The following ZNF578 variants were observed in gnomAD, a reference collection of about 807,000 sequenced individuals.
ZNF578 encodes the protein zinc finger protein 578, also known as Putative chemokine-related protein B42.
A neutral mutation model predicts 8.3 loss-of-function variants in ZNF578; 8 were observed. The ratio of observed to expected loss-of-function variants is 0.96; its 90% CI spans 0.56 to 1.74. The LOEUF is 1.74. Among genes scored for constraint, ZNF578 ranks in the 40% most tolerant of loss-of-function variants. The pLI, the probability that ZNF578 is intolerant of heterozygous loss-of-function variation, is 0.00. For synonymous variants in ZNF578, 206 were observed against 232.2 expected (o/e 0.89, Z 1.03); for missense variants, 726 against 707.5 (o/e 1.03, Z -0.30).
intron 2 of ZNF578, among the ~76,000 whole-genome samples, chr19:52,469,437 G>T (rs116311478): frequency 0.01 from 1,528 of 152,248 alleles, 31 homozygotes; most frequent in African/African-American, 0.035. Flanking sequence ...TGGGAATACA[G>T]GTGTGAGCCA....
chr19:52,508,980 C>T (rs1056935624), intron 5 of ZNF578, among the ~76,000 whole-genome samples: 22 of 142,650 alleles, frequency 1.5e-4, no homozygotes, highest in African/African-American at 5.5e-4. Context: ...CGGCTCACTG[C>T]AACCTCCGGC....
chr19:52,496,977 G>C (rs966562620), intron 3 of ZNF578, among the ~76,000 whole-genome samples: 1 of 152,090 alleles, frequency 6.6e-6, no homozygotes, highest in African/African-American at 2.4e-5. Context: ...CTGTTGTCCA[G>C]GCTGGAGTGC....
intron 5 of ZNF578, among the ~76,000 whole-genome samples, chr19:52,509,792 A>G (rs1487857915): frequency 6.6e-6 from 1 of 152,214 alleles, no homozygotes; most frequent in East Asian, 1.9e-4. Flanking sequence ...TGGTTTCAAA[A>G]GTCACTATGT....
intron 2 of ZNF578, among the ~76,000 whole-genome samples, chr19:52,463,863 T>A (rs1193205464): frequency 1.3e-5 from 2 of 152,190 alleles, no homozygotes; most frequent in Non-Finnish European, 2.9e-5. Context: ...TCACAGCTTC[T>A]TCCAAAGGGG....
In ZNF578 at chr19:52,511,998, C is replaced by T. The variant is rs763886426; in HGVS notation, c.1617C>T (p.Tyr539=). 6 of 1,613,940 alleles carry T rather than the reference C, an allele frequency of 3.7e-6. No individual in the cohort carries two copies. The East Asian group carries it at 1.3e-4, about 36-fold the overall frequency. Residue 539 remains tyrosine, a synonymous_variant, in exon 6 of 6, where the codon TAC becomes TAT. Coordinates refer to ENST00000421239, the MANE Select transcript of ZNF578 (RefSeq NM_001099694.2). ...GACTTCATACTGGAGAGAAACCTTA[C>T]AAATGTAAGGTTTGTGACAAGGCTT... ...HHRLHTGEKP[Y]KCKVCDKAFM... is the part of the protein sequence containing the mutation.
chr19:52,484,257 C>T (rs1226622061), intron 2 of ZNF578, among the ~76,000 whole-genome samples: 5 of 152,250 alleles, frequency 3.3e-5, no homozygotes, highest in Non-Finnish European at 7.3e-5. Flanking sequence ...TCCCCTATCT[C>T]AGTAGATGGT....
intron 2 of ZNF578, among the ~76,000 whole-genome samples, chr19:52,477,859 G>C (rs2059313102): frequency 6.6e-6 from 1 of 152,206 alleles, no homozygotes; most frequent in African/African-American, 2.4e-5. Flanking sequence ...ACACTTGACT[G>C]CCTCTTGAGA....
chr19:52,468,467 C>G (rs1938783551), intron 2 of ZNF578, among the ~76,000 whole-genome samples: 1 of 152,190 alleles, frequency 6.6e-6, no homozygotes, highest in Admixed American at 6.5e-5. Context: ...AAATTGAAGT[C>G]TCTCCTAACC....
intron 3 of ZNF578, among the ~76,000 whole-genome samples, chr19:52,499,184 A>G (rs1288855851): frequency 6.6e-6 from 1 of 152,216 alleles, no homozygotes; most frequent in African/African-American, 2.4e-5. Flanking sequence ...TCAGTCAGTG[A>G]CACTGACCCC....
At chr19:52,510,496 G>T in intron 5 of ZNF578, 76 bp from the exon 6 acceptor site, 1 of 1,393,490 alleles carries the variant, frequency 7.2e-7, no homozygotes, top group Non-Finnish European at 9.4e-7. Flanking sequence ...ATTTTTTATT[G>T]TGTCATATTT....
In ZNF578 at chr19:52,473,305, A is replaced by G. The variant is rs143095052; in HGVS notation, c.-122+16347A>G. ...TGTGACTAAAGACCTTACCACATACATGGCATTTGTAATGTTTCTCTTCAG... is the reference window on the plus strand; with the variant it reads ...TGTGACTAAAGACCTTACCACATACGTGGCATTTGTAATGTTTCTCTTCAG... On this transcript the variant is annotated intron_variant, in intron 2 of 5. Coordinates refer to ENST00000421239, the MANE Select transcript of ZNF578 (RefSeq NM_001099694.2). The G allele has an allele frequency of 9.9e-3, 1,583 of 159,968 alleles. 33 individuals carry two copies. The highest frequency in any genetic ancestry group is 0.035 in the African/African-American group (1,475 of 41,644). The allele number at this position is 159,968 out of a possible 1,614,324, so 9.9% of individuals were successfully genotyped here.
At chr19:52,475,084 G>C in intron 2 of ZNF578, 1 of 185,540 alleles carries the variant, frequency 5.4e-6, no homozygotes, top group South Asian at 1.1e-4. Flanking sequence ...TATGAATTCT[G>C]TGATGTTGTA....
intron 3 of ZNF578, among the ~76,000 whole-genome samples, chr19:52,500,163 T>C (rs324747): frequency 0.67 from 101,710 of 151,972 alleles, 35,980 homozygotes; most frequent in African/African-American, 0.91. Context: ...GGCTGTGAAA[T>C]CAGAAAATCT....
chr19:52,489,542 C>G (rs534869701), intron 2 of ZNF578, among the ~76,000 whole-genome samples: 1 of 151,922 alleles, frequency 6.6e-6, no homozygotes, highest in African/African-American at 2.4e-5. Flanking sequence ...GAGCCAAGGT[C>G]ACGCCATTGC....
In ZNF578 at chr19:52,516,842, C is replaced by G. The variant is rs1479469557; in HGVS notation, c.*4688C>G. Among the ~76,000 whole-genome samples the G allele has an allele frequency of 6.6e-6, 1 of 152,328 alleles. No individual in the cohort carries two copies. The highest frequency in any genetic ancestry group is 1.5e-5 in the Non-Finnish European group (1 of 68,036). ...GACTCTCTTTTCACACTCAGCCCGC[C>G]TGCACCCAGGTGAAATAAACAGCCT... On this transcript the variant is annotated 3_prime_UTR_variant, in exon 6 of 6. Transcript: ENST00000421239.
In ZNF578 at chr19:52,465,860, T is replaced by A. The variant is rs1207009269; in HGVS notation, c.-122+8902T>A. Among the ~76,000 whole-genome samples the A allele has an allele frequency of 4.6e-5, 7 of 152,348 alleles. No homozygotes were observed. In the East Asian group the frequency reaches 1.4e-3, roughly 29 times the overall value. ...TCAGGAGTCCTCCATCCGTCGGCCC[T>A]CCGTTTCACACGCTTGAGCGTTCCT... On this transcript the variant is annotated intron_variant, in intron 2 of 5. Coordinates refer to ENST00000421239, the MANE Select transcript of ZNF578 (RefSeq NM_001099694.2).
intron 3 of ZNF578, among the ~76,000 whole-genome samples, chr19:52,495,059 G>A (rs1225101550): frequency 6.6e-6 from 1 of 151,498 alleles, no homozygotes; most frequent in African/African-American, 2.4e-5. Context: ...GTTTCCCGGG[G>A]TGGTCTCAAA....
intron 3 of ZNF578, among the ~76,000 whole-genome samples, chr19:52,501,214 C>T (rs776441675): frequency 2.6e-5 from 4 of 152,194 alleles, no homozygotes; most frequent in Admixed American, 6.5e-5. Flanking sequence ...CATCCACTGT[C>T]TGGATCCTGG....
At chr19:52,486,861 A>G (rs2122863683) in intron 2 of ZNF578, among the ~76,000 whole-genome samples, 1 of 152,070 alleles carries the variant, frequency 6.6e-6, no homozygotes, top group African/African-American at 2.4e-5. Flanking sequence ...AGTTGTGAGG[A>G]TGGAGCAGAA....
Sources: gnomAD v4.1 joint callset for allele counts (sites outside exome capture counted in the v4.1 genomes callset) on GRCh38, gnomAD v4.1.1 for gene constraint, MANE v1.5 for transcripts, NCBI Gene and HGNC (gene_info 2026-07-23, HGNC 2026-07-21) for gene names.